The following KRT17 variants were observed in gnomAD, a reference collection of about 807,000 sequenced individuals.
The protein encoded by KRT17 is keratin 17.
KRT17 carries 29 observed loss-of-function variants against 45.6 expected under a neutral mutation model. The ratio of observed to expected loss-of-function variants is 0.64; its 90% CI spans 0.47 to 0.87. The LOEUF (loss-of-function observed/expected upper bound fraction) is 0.87. Ranked by LOEUF, KRT17 falls within the 40% of genes least tolerant of loss-of-function variation. The pLI is 0.00. For synonymous variants in KRT17, 219 were observed against 234.6 expected (o/e 0.93, Z 0.61); for missense variants, 536 against 577.8 (o/e 0.93, Z 0.74).
chr17:41,619,999 G>A, intron 7 of KRT17: 1 of 985,350 alleles, frequency 1.0e-6, no homozygotes, highest in Non-Finnish European at 1.2e-6. Flanking sequence ...CCATTTCTCT[G>A]CAGTCTCTAG....
Position 41,624,359 on chromosome 17 carries a change from T to A in KRT17, c.151A>T (p.Thr51Ser), listed in dbSNP as rs201047424. The A allele has an allele frequency of 6.8e-6, 11 of 1,611,006 alleles. No homozygotes were observed. In the East Asian group the frequency reaches 2.5e-4, roughly 36 times the overall value. ...RLGSAGGLGS[T>S]LGGSSYSSCY... ...CTGGAGTAGCTGCTACCCCCGAGGG[T>A]GCTGCCCAGGCCGCCAGCAGATCCC... Residue 51 changes from threonine to serine, a missense_variant, in exon 1 of 8, where the codon ACC (threonine) becomes TCC (serine). Thr to Ser is a moderately conservative substitution (Grantham distance 58). Transcript: ENST00000311208.
At chr17:41,623,340 C>T in intron 1 of KRT17, 1 of 365,276 alleles carries the variant, frequency 2.7e-6, no homozygotes, top group African/African-American at 2.1e-5. Flanking sequence ...CAGAAGCTGT[C>T]CCAGAATTCT....
At chr17:41,620,001 A>G (rs892348778) in intron 7 of KRT17, 1 of 985,306 alleles carries the variant, frequency 1.0e-6, no homozygotes, top group African/African-American at 1.7e-5. Flanking sequence ...ATTTCTCTGC[A>G]GTCTCTAGGA....
Position 41,620,987 on chromosome 17 carries a change from C to T in KRT17, c.939G>A (p.Glu313=). Reference sequence around the variant, plus strand: ...CTACCATGCTGAGCTGGGACTGCAGCTCTATCTCCAAGGCCTGCATGGTGC... The same window carrying T: ...CTACCATGCTGAGCTGGGACTGCAGTTCTATCTCCAAGGCCTGCATGGTGC... ...LRRTMQALEI[E]LQSQLSMKAS... The change falls in exon 5 of 8, where the codon GAG becomes GAA. Residue 313 remains glutamate (E), a synonymous_variant. Transcript: ENST00000311208. The T allele has an allele frequency of 6.2e-7, 1 of 1,614,198 alleles. No homozygotes were observed. The highest frequency in any genetic ancestry group is 8.5e-7 in the Non-Finnish European group (1 of 1,180,034).
Position 41,619,473 on chromosome 17 carries a change from G to T in KRT17, c.*121C>A. 2 of 1,557,264 alleles carry T rather than the reference G, an allele frequency of 1.3e-6. No homozygotes were observed. The highest frequency in any genetic ancestry group is 2.2e-5 in the East Asian group (1 of 44,500). On this transcript the variant is annotated 3_prime_UTR_variant, in exon 8 of 8. Coordinates refer to ENST00000311208, the MANE Select transcript of KRT17 (RefSeq NM_000422.3). ...AGTCAACAAGCTTTATTGTCATCAGGCAAGGAAGCATGGGGAAGGGACTGA... is the reference window on the plus strand; with the variant it reads ...AGTCAACAAGCTTTATTGTCATCAGTCAAGGAAGCATGGGGAAGGGACTGA...
rs1278884617 is a variant in KRT17, at chr17:41,621,668, G to A, written c.759C>T (p.Leu253=). The A allele has an allele frequency of 1.2e-6, 2 of 1,612,098 alleles. No homozygotes were observed. Among genetic ancestry groups the A allele is most frequent in the Non-Finnish European group, 1.7e-6 (2 of 1,179,860 alleles). The change falls in exon 4 of 8, where the codon CTC becomes CTT. Residue 253 remains leucine, a synonymous_variant. Coordinates refer to ENST00000311208, the MANE Select transcript of KRT17 (RefSeq NM_000422.3). ...AAPGVDLSRI[L]NEMRDQYEKM... ...TCTCATACTGGTCACGCATCTCGTTGAGGATGCGGCTCAGGTCCACGCCTG... is the reference window on the plus strand; with the variant it reads ...TCTCATACTGGTCACGCATCTCGTTAAGGATGCGGCTCAGGTCCACGCCTG...
At chr17:41,624,034 A>G in intron 1 of KRT17, 44 bp downstream of exon 1, 4 of 1,611,204 alleles carry the variant, frequency 2.5e-6, no homozygotes, top group South Asian at 1.1e-5. Flanking sequence ...GTTGGGGGGA[A>G]GAAGTCATGC....
At chr17:41,621,781 C>A (rs779027447) in intron 3 of KRT17, 27 bp from the exon 4 acceptor site, 3 of 1,611,788 alleles carry the variant, frequency 1.9e-6, no homozygotes, top group African/African-American at 1.3e-5. Context: ...TGTGGATGTG[C>A]GCATCTGGAC....
chr17:41,623,069 G>C (rs766439250), intron 1 of KRT17, 37 bp from the exon 2 acceptor site: 2 of 1,510,670 alleles, frequency 1.3e-6, no homozygotes, highest in Admixed American at 3.3e-5. Context: ...CATTGGATGG[G>C]GGTGGCTGAG....
intron 2 of KRT17, 75 bp downstream of exon 2, chr17:41,622,875 C>T (rs2144615013): frequency 7.6e-7 from 1 of 1,317,206 alleles, no homozygotes. Context: ...ACCAAGGAAT[C>T]CTGGGGTCAG....
At position 41,622,350 on chromosome 17, in the gene KRT17, C is replaced by T. The variant is rs1240670657; in HGVS notation, c.672+5G>A. On this transcript the variant is annotated splice_donor_5th_base_variant and intron_variant, in intron 3 of 7. Coordinates refer to ENST00000311208, the MANE Select transcript of KRT17 (RefSeq NM_000422.3). ...ATCTTTGACCTTCTGCCCCAGCCAC[C>T]TCACCTCCTCGTGGTTCTTCTTCAG... 3.7e-6 allele frequency: 6 copies of T among 1,613,032 alleles called. No homozygotes were observed. The highest frequency in any genetic ancestry group is 5.1e-6 in the Non-Finnish European group (6 of 1,179,976).
In KRT17 at chr17:41,624,383, C is replaced by A; in HGVS notation, c.127G>T (p.Gly43Ter). 6.2e-7 allele frequency: 1 copy of A among 1,610,902 alleles called. No homozygotes were observed. Among genetic ancestry groups the A allele is most frequent in the African/African-American group, 1.3e-5 (1 of 74,972 alleles). ...GTGCTGCCCAGGCCGCCAGCAGATC[C>A]CAGCCTGCAGGAGCCGGCACCCAGG... ...GGLGAGSCRL[G>*]SAGGLGSTLG... is the part of the protein sequence containing the mutation. Residue 43 changes from glycine to a stop codon, truncating the protein, a stop_gained, in exon 1 of 8, where the codon GGA (glycine) becomes TGA (stop). Coordinates refer to ENST00000311208, the MANE Select transcript of KRT17 (RefSeq NM_000422.3). LOFTEE classifies it high-confidence loss of function.
rs772497230 is a variant in KRT17 at position 41,621,673 on chromosome 17, T to C, written c.754A>G (p.Ile252Val). ...DAAPGVDLSR[I>V]LNEMRDQYEK... Reference sequence around the variant, plus strand: ...TACTGGTCACGCATCTCGTTGAGGATGCGGCTCAGGTCCACGCCTGGGGCA... The same window carrying C: ...TACTGGTCACGCATCTCGTTGAGGACGCGGCTCAGGTCCACGCCTGGGGCA... The change falls in exon 4 of 8, where the codon ATC (isoleucine) becomes GTC (valine). Residue 252 changes from isoleucine (I) to valine (V), a missense_variant. Transcript: ENST00000311208. 1.5e-5 allele frequency: 24 copies of C among 1,612,150 alleles called. No homozygotes were observed. Among genetic ancestry groups the C allele is most frequent in the Middle Eastern group, 2.2e-4 (1 of 4,638 alleles).
Position 41,624,572 on chromosome 17 carries a change from G to A in KRT17, c.-63C>T. 1 of 1,419,190 alleles carries A rather than the reference G, an allele frequency of 7.0e-7. No individual in the cohort carries two copies. Among genetic ancestry groups the A allele is most frequent in the Admixed American group, 1.8e-5 (1 of 56,340 alleles). The allele number at this position is 1,419,190 out of a possible 1,614,324, so 87.9% of individuals were successfully genotyped here. On this transcript the variant is annotated 5_prime_UTR_variant, in exon 1 of 8. Transcript: ENST00000311208. ...CTGGAGAGGAGAGGGGCCCCAAGTT[G>A]TGTAGGGCTGCCGGGGTTCGCCCGC...
Position 41,624,176 on chromosome 17 carries a change from G to A in KRT17, c.334C>T (p.Leu112=), listed in dbSNP as rs1908644257. The A allele has an allele frequency of 1.2e-6, 2 of 1,612,374 alleles. No individual in the cohort carries two copies. Among genetic ancestry groups the A allele is most frequent in the Non-Finnish European group, 1.7e-6 (2 of 1,179,990 alleles). ...TACCAGTCACGGATCTTCACCTCCA[G>A]CTCAGTGTTGGCCTCCTCCAGGGCA... ...VRALEEANTE[L]EVKIRDWYQR... Residue 112 remains leucine (L), a synonymous_variant, in exon 1 of 8, where the codon CTG becomes TTG. Coordinates refer to ENST00000311208, the MANE Select transcript of KRT17 (RefSeq NM_000422.3).
At chr17:41,619,832 T>G in intron 7 of KRT17, 144 bp from the exon 8 acceptor site, 1 of 1,536,462 alleles carries the variant, frequency 6.5e-7, no homozygotes, top group Non-Finnish European at 8.8e-7. Flanking sequence ...GACATCACAC[T>G]GCACACACAT....
At chr17:41,623,071 G>A (rs1226526576) in intron 1 of KRT17, 39 bp from the exon 2 acceptor site, 8 of 1,500,436 alleles carry the variant, frequency 5.3e-6, no homozygotes, top group Admixed American at 5.0e-5. Flanking sequence ...TTGGATGGGG[G>A]TGGCTGAGCC....
chr17:41,622,087 C>T (rs918482015), intron 3 of KRT17: 11 of 598,686 alleles, frequency 1.8e-5, no homozygotes, highest in Non-Finnish European at 3.3e-5. Context: ...TTATCCCCCA[C>T]CCTCATGAGG....
rs1303101349 is a variant in KRT17, at chr17:41,620,803, A to G, written c.1037T>C (p.Ile346Thr). The stretch of plus-strand genomic sequence containing the variant: ...GGCCAGCTGCTCCTCCACGCTGCCA[A>G]TCAGCCCCTGGATCTGGGACAGCTG... ...CVQLSQIQGL[I>T]GSVEEQLAQL... Residue 346 changes from isoleucine (I) to threonine (T), a missense_variant, in exon 6 of 8, where the codon ATT (isoleucine) becomes ACT (threonine). Physicochemically the swap from Ile to Thr is moderately conservative, Grantham distance 89. Transcript: ENST00000311208. 1.2e-6 allele frequency: 2 copies of G among 1,613,150 alleles called. No homozygotes were observed. The highest frequency in any genetic ancestry group is 1.7e-6 in the Non-Finnish European group (2 of 1,179,870).
Sources: allele counts gnomAD v4.1 joint callset, GRCh38; gene constraint gnomAD v4.1.1; transcripts MANE v1.5; gene names NCBI Gene and HGNC (gene_info 2026-07-23, HGNC 2026-07-21).